SPPL3: variants seen among roughly 807,000 people sequenced by gnomAD.
SPPL3 encodes the protein signal peptide peptidase like 3, also known as signal peptide peptidase-like 3.
In SPPL3, 5 loss-of-function variants were observed where a neutral mutation model predicts 42.4. The observed-to-expected ratio is 0.12, with a 90% CI of 0.06 to 0.25. SPPL3 has a LOEUF of 0.25. SPPL3 is among the 10% of genes least tolerant of loss of function. The pLI, the probability that SPPL3 is intolerant of heterozygous loss-of-function variation, is 1.00. For missense variants in SPPL3, 235 were observed against 489.0 expected (o/e 0.48, Z 4.90); for synonymous variants, 195 against 181.8 (o/e 1.07, Z -0.58).
chr12:120,781,260 T>C (rs964419243), intron 6 of SPPL3, among the ~76,000 whole-genome samples: 1 of 152,174 alleles, frequency 6.6e-6, no homozygotes, highest in African/African-American at 2.4e-5. Flanking sequence ...TAAACTACTA[T>C]AGCCTATCTG....
At chr12:120,881,465 CAAAAAAAAAA>C (rs374467556) in intron 1 of SPPL3, among the ~76,000 whole-genome samples, 1 of 53,018 alleles carries the variant, frequency 1.9e-5, no homozygotes, top group African/African-American at 8.6e-5. Context: ...GAGACTGCCT[CAAAAAAAAAA>C]AAAAAAAAAG....
intron 1 of SPPL3, among the ~76,000 whole-genome samples, chr12:120,882,063 A>C (rs1873302913): frequency 6.6e-6 from 1 of 152,056 alleles, no homozygotes; most frequent in Non-Finnish European, 1.5e-5. Context: ...GACCATTCTG[A>C]GTAGTATGAT....
chr12:120,828,832 C>T (rs1051340013), intron 1 of SPPL3, among the ~76,000 whole-genome samples: 4 of 152,186 alleles, frequency 2.6e-5, no homozygotes, highest in Admixed American at 6.5e-5. Flanking sequence ...TCACAGCTCA[C>T]TACAGCTTCG....
At chr12:120,873,915 T>C (rs1873001668) in intron 1 of SPPL3, among the ~76,000 whole-genome samples, 1 of 151,530 alleles carries the variant, frequency 6.6e-6, no homozygotes, top group Non-Finnish European at 1.5e-5. Context: ...AAATTAGAAA[T>C]CATGCAGCAA....
intron 1 of SPPL3, among the ~76,000 whole-genome samples, chr12:120,896,691 A>T (rs1873813470): frequency 6.6e-6 from 1 of 152,058 alleles, no homozygotes; most frequent in African/African-American, 2.4e-5. Context: ...AGGCAAGAGA[A>T]TTGCTTGAAC....
intron 6 of SPPL3, among the ~76,000 whole-genome samples, chr12:120,776,672 C>A (rs1318424334): frequency 6.6e-6 from 1 of 152,130 alleles, no homozygotes; most frequent in Non-Finnish European, 1.5e-5. Flanking sequence ...AAAGACCACA[C>A]TGCTTATTGT....
chr12:120,853,769 A>C (rs1872340694), intron 1 of SPPL3, among the ~76,000 whole-genome samples: 1 of 152,158 alleles, frequency 6.6e-6, no homozygotes, highest in Admixed American at 6.5e-5. Flanking sequence ...AAAAGTTCCC[A>C]GGCAATACAG....
At chr12:120,833,491 T>TA (rs1316552292) in intron 1 of SPPL3, among the ~76,000 whole-genome samples, 1 of 151,814 alleles carries the variant, frequency 6.6e-6, no homozygotes, top group African/African-American at 2.4e-5. Context: ...AAGAGACATG[T>TA]AGGAATGAAG....
chr12:120,888,376 C>G (rs1206945838), intron 1 of SPPL3, among the ~76,000 whole-genome samples: 1 of 151,992 alleles, frequency 6.6e-6, no homozygotes, highest in Admixed American at 6.6e-5. Context: ...ACACCTGGCC[C>G]CACATTATTC....
At chr12:120,874,768 A>AGTGT (rs373717363) in intron 1 of SPPL3, among the ~76,000 whole-genome samples, 2 of 150,856 alleles carry the variant, frequency 1.3e-5, no homozygotes, top group Non-Finnish European at 3.0e-5. Flanking sequence ...TGTGAGTGTG[A>AGTGT]GTGTGTGTGT....
intron 6 of SPPL3, among the ~76,000 whole-genome samples, chr12:120,778,111 A>ATTTTTTTTTTTTTTT (rs57779322): frequency 2.2e-5 from 2 of 90,946 alleles, no homozygotes; most frequent in Admixed American, 1.7e-4. Context: ...CTGAAAAGCA[A>ATTTTTTTTTTTTTTT]TTTTTTTTTT....
chr12:120,852,886 ATT>A (rs1872305596), intron 1 of SPPL3, among the ~76,000 whole-genome samples: 1 of 28,308 alleles, frequency 3.5e-5, no homozygotes, highest in Non-Finnish European at 3.9e-4. Context: ...TATCATATAT[ATT>A]TCATATATAT....
In SPPL3 at chr12:120,766,910, C is replaced by T. The variant is rs79250538; in HGVS notation, c.973+484G>A. On this transcript the variant is annotated intron_variant, in intron 9 of 10. Transcript: ENST00000353487. ...GAGTGCAAAAGCTCCTTTCCAGTCA[C>T]TGTGCGGGAGCAGTTGCATGTGCGG... 4.5e-4 allele frequency among the ~76,000 whole-genome samples: 69 copies of T among 152,330 alleles called. 1 individual carries two copies. The East Asian group carries it at 0.013, about 29-fold the overall frequency.
At chr12:120,781,443 C>T (rs553074837) in intron 6 of SPPL3, among the ~76,000 whole-genome samples, 25 of 149,208 alleles carry the variant, frequency 1.7e-4, no homozygotes, top group East Asian at 1.0e-3. Context: ...ATGTATATCA[C>T]GTACATAATG....
intron 1 of SPPL3, among the ~76,000 whole-genome samples, chr12:120,828,316 G>C (rs1052089082): frequency 3.3e-5 from 5 of 151,936 alleles, no homozygotes; most frequent in African/African-American, 1.2e-4. Flanking sequence ...GTGGAAGGCA[G>C]CTAAAGCAAT....
intron 1 of SPPL3, among the ~76,000 whole-genome samples, chr12:120,889,346 T>A (rs531410197): frequency 6.7e-4 from 102 of 152,354 alleles, no homozygotes; most frequent in African/African-American, 2.4e-3. Flanking sequence ...CTTAGCCATA[T>A]GATTTTGCAG....
intron 6 of SPPL3, among the ~76,000 whole-genome samples, chr12:120,781,621 C>T (rs1434510113): frequency 6.0e-5 from 7 of 115,858 alleles, no homozygotes; most frequent in South Asian, 2.8e-4. Flanking sequence ...TTGCCCAGGC[C>T]GGAGTGCAGT....
At position 120,895,495 on chromosome 12, in the gene SPPL3, T is replaced by C. The variant is rs531987426; in HGVS notation, c.23+8350A>G. 2.6e-5 allele frequency among the ~76,000 whole-genome samples: 4 copies of C among 152,204 alleles called. No individual in the cohort carries two copies. The South Asian group carries it at 6.2e-4, about 24-fold the overall frequency. On this transcript the variant is annotated intron_variant, in intron 1 of 10. Transcript: ENST00000353487. ...TCTTGTGGAATGTAGCCATGGACTA[T>C]GAAACTTAGAAATCAGTGACAATTT...
At chr12:120,786,131 G>A (rs1869714293) in intron 3 of SPPL3, among the ~76,000 whole-genome samples, 1 of 152,166 alleles carries the variant, frequency 6.6e-6, no homozygotes, top group Admixed American at 6.5e-5. Context: ...GCAGATGAGT[G>A]AAGTAATTCA....
Sources: allele counts gnomAD v4.1 joint callset (sites outside exome capture counted in the v4.1 genomes callset), GRCh38; gene constraint gnomAD v4.1.1; transcripts MANE v1.5; gene names NCBI Gene and HGNC (gene_info 2026-07-23, HGNC 2026-07-21).